Variants in SMYD4 observed in about 807,000 individuals in gnomAD.
The protein encoded by SMYD4 is protein-lysine N-methyltransferase SMYD4.
Under a neutral mutation model 72.8 loss-of-function variants are expected in SMYD4, and 68 were observed. The ratio of observed to expected loss-of-function variants is 0.93; its 90% CI spans 0.77 to 1.14. SMYD4 has a LOEUF of 1.14. Among genes scored for constraint, SMYD4 ranks in the 50% most tolerant of loss-of-function variants. The pLI is 0.00. For synonymous variants in SMYD4, 407 were observed against 388.6 expected (o/e 1.05, Z -0.56); for missense variants, 984 against 1,003.7 (o/e 0.98, Z 0.27).
chr17:1,788,763 C>T (rs985896386), intron 5 of SMYD4, among the ~76,000 whole-genome samples: 1 of 151,982 alleles, frequency 6.6e-6, no homozygotes, highest in Admixed American at 6.6e-5. Context: ...AAAATTTGTT[C>T]ATTTCAGAAA....
At position 1,800,483 on chromosome 17, in the gene SMYD4, A is replaced by T. The variant is rs1909664406; in HGVS notation, c.911T>A (p.Leu304Ter). Reference sequence around the variant, plus strand: ...GCATCCGTCACACGGAACTGTGGCCAAAGTGTGCTTCAAACATCGGTGACA... The same window carrying T: ...GCATCCGTCACACGGAACTGTGGCCTAAGTGTGCTTCAAACATCGGTGACA... The part of the protein sequence containing the change: ...LYCHRCLKHT[L>*]ATVPCDGCSY... The change falls in exon 5 of 11, where the codon TTG becomes TAG. Residue 304 changes from leucine (L) to a stop codon, truncating the protein, a stop_gained. Coordinates refer to ENST00000305513, the MANE Select transcript of SMYD4 (RefSeq NM_052928.3). LOFTEE classifies it high-confidence loss of function. The T allele has an allele frequency of 6.2e-7, 1 of 1,614,080 alleles. No homozygotes were observed. Among genetic ancestry groups the T allele is most frequent in the Admixed American group, 1.7e-5 (1 of 59,996 alleles).
chr17:1,820,083 C>T (rs1429510365), intron 2 of SMYD4, among the ~76,000 whole-genome samples: 6 of 152,112 alleles, frequency 3.9e-5, no homozygotes, highest in Admixed American at 3.9e-4. Flanking sequence ...CCACCATGCC[C>T]GGCCAAAAGT....
chr17:1,817,813 C>T (rs186339956), intron 2 of SMYD4, among the ~76,000 whole-genome samples: 208 of 151,986 alleles, frequency 1.4e-3, no homozygotes, highest in African/African-American at 4.8e-3. Context: ...TTTGGGAGGC[C>T]GAGGTGGGCG....
At chr17:1,811,831 G>T in intron 3 of SMYD4, 140 bp downstream of exon 3, 1 of 832,448 alleles carries the variant, frequency 1.2e-6, no homozygotes, top group Non-Finnish European at 1.8e-6. Context: ...GGAGACTAAG[G>T]TGGGAGGATC....
chr17:1,781,411 T>C lies in SMYD4; in HGVS notation c.2290A>G (p.Ile764Val), dbSNP rs376190736. 1.2e-5 allele frequency: 19 copies of C among 1,613,996 alleles called. No homozygotes were observed. Among genetic ancestry groups the C allele is most frequent in the Non-Finnish European group, 1.5e-5 (18 of 1,180,012 alleles). Residue 764 changes from isoleucine (I) to valine (V), a missense_variant, in exon 11 of 11, where the codon ATA (isoleucine) becomes GTA (valine). Physicochemically the swap from Ile to Val is conservative, Grantham distance 29. Transcript: ENST00000305513. The part of the protein sequence containing the change: ...GFAVPEALST[I>V]QKAEEVLSLH... ...GACAGAACCTCCTCAGCTTTCTGTA[T>C]TGTGCTCAGGGCTTCGGGTACTGCA...
At position 1,787,523 on chromosome 17, in the gene SMYD4, T is replaced by C. The variant is rs1474084584; in HGVS notation, c.1619A>G (p.His540Arg). 3.8e-6 allele frequency: 6 copies of C among 1,590,406 alleles called. No homozygotes were observed. In the African/African-American group the frequency reaches 8.1e-5, roughly 21 times the overall value. Residue 540 changes from histidine (H) to arginine (R), a missense_variant, in exon 6 of 11, where the codon CAC becomes CGC. Transcript: ENST00000305513. The stretch of plus-strand genomic sequence containing the variant: ...CACGCTGGTGTTGGGGCTACAGGAG[T>C]GGTTCAGGAGGCTGATAACAGGGAA... ...GIFPVISLLN[H>R]SCSPNTSVSF...
rs765270779 is a variant in SMYD4, at chr17:1,784,364, A to G, written c.1982T>C (p.Val661Ala). Residue 661 changes from valine (V) to alanine (A), a missense_variant, in exon 8 of 11, where the codon GTC becomes GCC. Transcript: ENST00000305513. ...VSRLQDLQQQ[V>A]RVAQKLLRDG... ...TCTGAGAAGCTTCTGGGCCACTCTG[A>G]CCTGCTGCTGTAGGTCCTGTAACCG... 3 of 1,614,192 alleles carry G rather than the reference A, an allele frequency of 1.9e-6. No homozygotes were observed. The East Asian group carries it at 6.7e-5, about 36-fold the overall frequency.
rs1908568284 is a variant in SMYD4 at position 1,784,835 on chromosome 17, T to C, written c.1885-374A>G. Reference sequence around the variant, plus strand: ...TCCAGGCTGGAGTGCAGTGGTGCGATCTCGGCTCACTCCAAGCTCCGCCTC... The same window carrying C: ...TCCAGGCTGGAGTGCAGTGGTGCGACCTCGGCTCACTCCAAGCTCCGCCTC... On this transcript the variant is annotated intron_variant, in intron 7 of 10. Coordinates refer to ENST00000305513, the MANE Select transcript of SMYD4 (RefSeq NM_052928.3). Among the ~76,000 whole-genome samples the C allele has an allele frequency of 2.6e-5, 4 of 152,088 alleles. 1 individual carries two copies. The South Asian group carries it at 8.3e-4, about 32-fold the overall frequency.
At chr17:1,804,399 ACTCTTGAC>A in intron 4 of SMYD4, 1 of 409,688 alleles carries the variant, frequency 2.4e-6, no homozygotes, top group Non-Finnish European at 4.6e-6. Flanking sequence ...CTGGTCTTGA[ACTCTTGAC>A]CTCAGGTGAT....
chr17:1,824,161 G>T (rs1441511659), intron 2 of SMYD4, among the ~76,000 whole-genome samples: 4 of 152,080 alleles, frequency 2.6e-5, no homozygotes, highest in Non-Finnish European at 5.9e-5. Flanking sequence ...TGGCCAACAT[G>T]GTAAAACCCC....
chr17:1,820,395 A>G (rs1346601071), intron 2 of SMYD4, among the ~76,000 whole-genome samples: 1 of 151,826 alleles, frequency 6.6e-6, no homozygotes, highest in Non-Finnish European at 1.5e-5. Flanking sequence ...ATGTGACACC[A>G]TGCCCAGCTA....
chr17:1,804,878 T>C (rs1909956127), intron 3 of SMYD4, among the ~76,000 whole-genome samples, 163 bp from the exon 4 acceptor site: 1 of 152,200 alleles, frequency 6.6e-6, no homozygotes. Flanking sequence ...AGAGCAAAGC[T>C]GTGAAGAGCA....
At chr17:1,785,267 C>G (rs1908602661) in intron 7 of SMYD4, among the ~76,000 whole-genome samples, 1 of 146,820 alleles carries the variant, frequency 6.8e-6, no homozygotes, top group Non-Finnish European at 1.5e-5. Context: ...ACTAAAAATA[C>G]AAAAAATTAG....
chr17:1,797,495 G>C (rs1217703167), intron 5 of SMYD4, among the ~76,000 whole-genome samples: 2 of 152,164 alleles, frequency 1.3e-5, no homozygotes, highest in Non-Finnish European at 2.9e-5. Flanking sequence ...GTTATCTATA[G>C]GCTCCAGTTC....
At chr17:1,827,203 A>C (rs1341147009) in intron 2 of SMYD4, among the ~76,000 whole-genome samples, 1 of 151,858 alleles carries the variant, frequency 6.6e-6, no homozygotes, top group East Asian at 1.9e-4. Flanking sequence ...TTAGCCGAGC[A>C]TGGTGGTGTG....
In SMYD4 at chr17:1,783,051, G is replaced by C. The variant is rs781776434; in HGVS notation, c.2245C>G (p.Gln749Glu). 1.2e-6 allele frequency: 2 copies of C among 1,614,076 alleles called. No individual in the cohort carries two copies. The highest frequency in any genetic ancestry group is 1.7e-5 in the Admixed American group (1 of 59,948). The part of the protein sequence containing the change: ...EMGHELFKLA[Q>E]IFFNGFAVPE... ...GGGACTCACCCGTTGAAAAAGATCT[G>C]GGCCAATTTGAAGAGCTCATGGCCC... is the stretch of plus-strand genomic sequence containing the variant. Residue 749 changes from glutamine to glutamate, a missense_variant, in exon 10 of 11, where the codon CAG becomes GAG. Physicochemically the swap from Gln to Glu is conservative, Grantham distance 29. Coordinates refer to ENST00000305513, the MANE Select transcript of SMYD4 (RefSeq NM_052928.3).
In SMYD4 at chr17:1,827,956, A is replaced by C; in HGVS notation, c.39T>G (p.Leu13=). ...LPVDEWKSYL[L]QKWASLPTSV... ...ACGTCGGGAGTGAAGCCCACTTTTG[A>C]AGCAGATATGATTTCCATTCATCCA... is the stretch of plus-strand genomic sequence containing the variant. Residue 13 remains leucine, a synonymous_variant, in exon 2 of 11, where the codon CTT becomes CTG. Coordinates refer to ENST00000305513, the MANE Select transcript of SMYD4 (RefSeq NM_052928.3). 6.2e-7 allele frequency: 1 copy of C among 1,613,530 alleles called. No individual in the cohort carries two copies. The highest frequency in any genetic ancestry group is 8.5e-7 in the Non-Finnish European group (1 of 1,179,498).
chr17:1,805,680 C>T (rs887510793), intron 3 of SMYD4, among the ~76,000 whole-genome samples: 12 of 150,892 alleles, frequency 8.0e-5, no homozygotes, highest in Non-Finnish European at 1.3e-4. Context: ...GGCATGGTGG[C>T]GCACGCCTGT....
chr17:1,815,057 AAT>A (rs1266011968), intron 2 of SMYD4, among the ~76,000 whole-genome samples: 1 of 151,562 alleles, frequency 6.6e-6, no homozygotes, highest in African/African-American at 2.4e-5. Context: ...TTATGAACTC[AAT>A]GTCTTTTTTT....
Sources: allele counts gnomAD v4.1 joint callset (sites outside exome capture counted in the v4.1 genomes callset), GRCh38; gene constraint gnomAD v4.1.1; transcripts MANE v1.5; gene names NCBI Gene and HGNC (gene_info 2026-07-23, HGNC 2026-07-21).